The following EHBP1 variants were observed in gnomAD, a reference collection of about 807,000 sequenced individuals.
EHBP1 encodes the protein EH domain-binding protein 1.
EHBP1 carries 55 observed loss-of-function variants against 144.0 expected under a neutral mutation model. That is an observed-to-expected ratio of 0.38 (90% confidence interval 0.31 to 0.48). The LOEUF is 0.48. Ranked by LOEUF, EHBP1 falls within the 20% of genes least tolerant of loss-of-function variation. The probability of loss-of-function intolerance (pLI) is 0.98; values close to 1 mark genes in which losing one functional copy is unlikely to be tolerated. For missense variants in EHBP1, 1,200 were observed against 1,364.2 expected, an observed-to-expected ratio of 0.88 and a Z score of 1.90; for synonymous variants, 469 against 472.7, an observed-to-expected ratio of 0.99 and a Z score of 0.10.
At chr2:62,994,248 T>C (rs1212271393) in intron 18 of EHBP1, 2 of 209,096 alleles carry the variant, frequency 9.6e-6, no homozygotes, top group East Asian at 9.7e-5. Context: ...GATTCCAGTA[T>C]TGATCTACTG....
chr2:62,930,071 A>T (rs2055862498), intron 10 of EHBP1, among the ~76,000 whole-genome samples: 1 of 152,002 alleles, frequency 6.6e-6, no homozygotes, highest in African/African-American at 2.4e-5. Context: ...ACATGGCGAA[A>T]CCCCCATCTC....
At chr2:62,853,230 T>A (rs2048806963) in intron 7 of EHBP1, among the ~76,000 whole-genome samples, 2 of 152,162 alleles carry the variant, frequency 1.3e-5, no homozygotes. Flanking sequence ...CACACACATT[T>A]TTTGATTTCC....
intron 13 of EHBP1, among the ~76,000 whole-genome samples, chr2:62,951,884 A>C (rs1338546550): frequency 6.6e-6 from 1 of 152,148 alleles, no homozygotes. Context: ...CTAGGAATTG[A>C]TTGATGTTTA....
At chr2:62,836,126 A>G (rs957458676) in intron 7 of EHBP1, among the ~76,000 whole-genome samples, 4 of 152,174 alleles carry the variant, frequency 2.6e-5, no homozygotes, top group South Asian at 4.2e-4. Context: ...TGGTTCTCCC[A>G]GCACGCAGCT....
intron 2 of EHBP1, among the ~76,000 whole-genome samples, chr2:62,722,898 C>T (rs182765406): frequency 5.9e-5 from 9 of 152,282 alleles, no homozygotes; most frequent in Admixed American, 5.9e-4. Flanking sequence ...AGTTCTTTTG[C>T]TCCTTGGCTG....
intron 10 of EHBP1, among the ~76,000 whole-genome samples, chr2:62,895,225 C>CAAA (rs1438413000): frequency 6.6e-6 from 1 of 152,004 alleles, no homozygotes; most frequent in Non-Finnish European, 1.5e-5. Flanking sequence ...ATGCATTTGT[C>CAAA]AAAACTTGCA....
intron 5 of EHBP1, among the ~76,000 whole-genome samples, chr2:62,812,139 C>T (rs1160157794): frequency 2.0e-5 from 3 of 152,180 alleles, no homozygotes; most frequent in Non-Finnish European, 4.4e-5. Context: ...TGCCCTTCCA[C>T]CTTTCACTTT....
At chr2:62,871,343 A>C (rs898729725) in intron 9 of EHBP1, among the ~76,000 whole-genome samples, 2 of 152,226 alleles carry the variant, frequency 1.3e-5, no homozygotes, top group Non-Finnish European at 2.9e-5. Flanking sequence ...CTTTTTCCAC[A>C]TGAAAGTCAC....
intron 9 of EHBP1, among the ~76,000 whole-genome samples, chr2:62,870,873 G>T (rs1459438776): frequency 6.6e-6 from 1 of 151,672 alleles, no homozygotes; most frequent in East Asian, 1.9e-4. Flanking sequence ...AGCATGTGCT[G>T]CATGCTTCCT....
At chr2:62,676,617 A>G (rs1244092773) in intron 1 of EHBP1, among the ~76,000 whole-genome samples, 2 of 152,208 alleles carry the variant, frequency 1.3e-5, no homozygotes, top group Non-Finnish European at 2.9e-5. Context: ...GTCAAATTGT[A>G]TAAGCTTCAT....
chr2:62,859,572 T>C (rs893955896), intron 8 of EHBP1, among the ~76,000 whole-genome samples: 9 of 152,150 alleles, frequency 5.9e-5, no homozygotes, highest in African/African-American at 1.9e-4. Context: ...TGGGATATAC[T>C]GATTTTGGGA....
At chr2:62,946,358 A>C (rs563913389) in intron 12 of EHBP1, among the ~76,000 whole-genome samples, 1 of 152,202 alleles carries the variant, frequency 6.6e-6, no homozygotes, top group Non-Finnish European at 1.5e-5. Context: ...CAGTACAGAC[A>C]ATCATGGCTT....
chr2:62,982,974 A>G (rs1220934644), intron 15 of EHBP1, among the ~76,000 whole-genome samples: 8 of 152,190 alleles, frequency 5.3e-5, no homozygotes, highest in Non-Finnish European at 2.9e-5. Flanking sequence ...GCAACCAGAA[A>G]TAGCCTAATT....
chr2:62,829,561 G>T (rs2046630681), intron 6 of EHBP1, among the ~76,000 whole-genome samples: 1 of 130,268 alleles, frequency 7.7e-6, no homozygotes, highest in Non-Finnish European at 1.6e-5. Context: ...AGGCTGAGTG[G>T]TGTTCTATGT....
At chr2:62,812,080 C>G (rs1254721778) in intron 5 of EHBP1, among the ~76,000 whole-genome samples, 1 of 152,010 alleles carries the variant, frequency 6.6e-6, no homozygotes, top group East Asian at 1.9e-4. Flanking sequence ...GAGTTTAGCC[C>G]CCTCTTTCTC....
chr2:62,702,247 T>C (rs1163839533), upstream of EHBP1, among the ~76,000 whole-genome samples: 1 of 152,220 alleles, frequency 6.6e-6, no homozygotes, highest in Non-Finnish European at 1.5e-5. Flanking sequence ...TGATGATATT[T>C]AAAGGCAAAT....
At chr2:62,685,916 T>C (rs2033702631) in intron 1 of EHBP1, among the ~76,000 whole-genome samples, 1 of 152,170 alleles carries the variant, frequency 6.6e-6, no homozygotes, top group Admixed American at 6.5e-5. Flanking sequence ...GAGCAACAAA[T>C]TGAAGAAAAA....
chr2:63,024,605 A>G (rs1350438838), intron 19 of EHBP1, among the ~76,000 whole-genome samples: 4 of 149,208 alleles, frequency 2.7e-5, no homozygotes, highest in Non-Finnish European at 4.5e-5. Context: ...CTGTCTCAAA[A>G]AAAAAAAAAA....
rs147453493 is a variant in EHBP1, at chr2:62,692,049, G to A, written c.-295-14848G>A. 8.5e-3 allele frequency among the ~76,000 whole-genome samples: 1,290 copies of A among 152,054 alleles called. 51 individuals carry two copies. Among genetic ancestry groups the A allele is most frequent in the Admixed American group, 0.067 (1,024 of 15,276 alleles). On this transcript the variant is annotated intron_variant, in intron 1 of 22. Coordinates refer to the EHBP1 transcript ENST00000405015. ...TTCAAAAAGAAGCCAATATTTATTA[G>A]CAGTAACTCCTTCATGTGCCTGAAC...
Sources: gnomAD v4.1 joint callset for allele counts (sites outside exome capture counted in the v4.1 genomes callset) on GRCh38, gnomAD v4.1.1 for gene constraint, MANE v1.5 for transcripts, NCBI Gene and HGNC (gene_info 2026-07-23, HGNC 2026-07-21) for gene names.